GMDS: variants seen among roughly 807,000 people sequenced by gnomAD.
GMDS encodes the protein GDP-mannose 4,6-dehydratase.
A neutral mutation model predicts 49.9 loss-of-function variants in GMDS; 20 were observed. The observed-to-expected ratio is 0.40, with a 90% CI of 0.28 to 0.58. GMDS has a LOEUF of 0.58. Ranked by LOEUF, GMDS falls within the 20% of genes least tolerant of loss-of-function variation. The pLI is 0.42. For synonymous variants in GMDS, 177 were observed against 178.6 expected (o/e 0.99, Z 0.07); for missense variants, 362 against 481.4 (o/e 0.75, Z 2.32).
chr6:1,906,671 C>T (rs933040113), intron 7 of GMDS, among the ~76,000 whole-genome samples: 1 of 152,090 alleles, frequency 6.6e-6, no homozygotes, highest in Non-Finnish European at 1.5e-5. Flanking sequence ...GTGAAGCCTA[C>T]GGGTCCTGGG....
At chr6:2,076,429 C>G (rs1369088124) in intron 4 of GMDS, among the ~76,000 whole-genome samples, 2 of 152,084 alleles carry the variant, frequency 1.3e-5, no homozygotes, top group Non-Finnish European at 2.9e-5. Context: ...TCATATGGAA[C>G]CAAAAGAGAG....
chr6:1,920,764 G>A (rs1761676468), intron 7 of GMDS, among the ~76,000 whole-genome samples: 2 of 152,310 alleles, frequency 1.3e-5, no homozygotes, highest in South Asian at 4.1e-4. Context: ...AGAGACAGGT[G>A]GGGAGCAGGG....
intron 9 of GMDS, among the ~76,000 whole-genome samples, chr6:1,693,955 T>A (rs1765254915): frequency 6.6e-6 from 1 of 152,226 alleles, no homozygotes; most frequent in Non-Finnish European, 1.5e-5. Flanking sequence ...GAGAGTCAAA[T>A]AACTTGCCCA....
At chr6:2,032,614 C>T (rs1231362859) in intron 4 of GMDS, among the ~76,000 whole-genome samples, 1 of 151,994 alleles carries the variant, frequency 6.6e-6, no homozygotes, top group Non-Finnish European at 1.5e-5. Flanking sequence ...GGGTATATAT[C>T]AGAAAACAAA....
At chr6:2,208,867 A>C (rs1204588559) in intron 1 of GMDS, among the ~76,000 whole-genome samples, 1 of 151,816 alleles carries the variant, frequency 6.6e-6, no homozygotes, top group Non-Finnish European at 1.5e-5. Flanking sequence ...AAAAAAAAAA[A>C]AAACTATTAG....
In GMDS at chr6:1,874,176, G is replaced by A. The variant is rs1436897429; in HGVS notation, c.771+55927C>T. ...TTGACTTCACTTTTAGTTTTTCACT[G>A]TGGCTTGATGGAGTTTCAAGTTTGT... On this transcript the variant is annotated intron_variant, in intron 7 of 10. Coordinates refer to ENST00000380815, the MANE Select transcript of GMDS (RefSeq NM_001500.4). Among the ~76,000 whole-genome samples, 3 of 152,330 alleles carry A rather than the reference G, an allele frequency of 2.0e-5. No homozygotes were observed. The East Asian group carries it at 5.8e-4, about 29-fold the overall frequency.
intron 1 of GMDS, among the ~76,000 whole-genome samples, chr6:2,195,087 G>A (rs984782634): frequency 3.9e-5 from 6 of 152,144 alleles, no homozygotes; most frequent in Non-Finnish European, 4.4e-5. Context: ...GTTAGCAAGG[G>A]TAAAATCATA....
rs374815541 is a variant in GMDS at position 1,658,611 on chromosome 6, T to C, written c.988-34071A>G. On this transcript the variant is annotated intron_variant, in intron 9 of 10. Coordinates refer to ENST00000380815, the MANE Select transcript of GMDS (RefSeq NM_001500.4). ...GATATTGTTTTCTTAAAGAATACTT[T>C]CACAGAAAAATAAAAAAATACTTCT... Among the ~76,000 whole-genome samples, 90 of 152,388 alleles carry C rather than the reference T, an allele frequency of 5.9e-4. 3 individuals carry two copies. The South Asian group carries it at 0.018, about 31-fold the overall frequency.
intron 7 of GMDS, among the ~76,000 whole-genome samples, chr6:1,897,550 A>C (rs528184125): frequency 6.6e-6 from 1 of 152,276 alleles, no homozygotes; most frequent in East Asian, 1.9e-4. Context: ...GACAAATTGT[A>C]TATCTTGCCA....
intron 4 of GMDS, among the ~76,000 whole-genome samples, chr6:2,012,523 C>T (rs1419112214): frequency 6.6e-6 from 1 of 152,178 alleles, no homozygotes; most frequent in Non-Finnish European, 1.5e-5. Context: ...TACCACTAGT[C>T]CTCACAACAA....
chr6:1,696,443 T>C (rs1765344487), intron 9 of GMDS, among the ~76,000 whole-genome samples: 1 of 152,246 alleles, frequency 6.6e-6, no homozygotes, highest in Non-Finnish European at 1.5e-5. Flanking sequence ...GCTACTTTAG[T>C]TGCTTTGTTT....
intron 4 of GMDS, among the ~76,000 whole-genome samples, chr6:2,018,814 T>A (rs189581915): frequency 1.3e-5 from 2 of 152,332 alleles, no homozygotes; most frequent in Admixed American, 1.3e-4. Context: ...CAGGTTTTTC[T>A]ATGAATATGC....
chr6:1,707,052 G>A (rs953692054), intron 9 of GMDS, among the ~76,000 whole-genome samples: 2 of 152,274 alleles, frequency 1.3e-5, no homozygotes, highest in East Asian at 1.9e-4. Flanking sequence ...AATCAGGCAC[G>A]GAAACATTTA....
intron 7 of GMDS, among the ~76,000 whole-genome samples, chr6:1,857,970 A>C (rs1758011625): frequency 6.6e-6 from 1 of 152,186 alleles, no homozygotes; most frequent in Non-Finnish European, 1.5e-5. Context: ...TATGACCATC[A>C]ATGTCACACC....
intron 1 of GMDS, among the ~76,000 whole-genome samples, chr6:2,157,935 G>C (rs1203833027): frequency 6.6e-6 from 1 of 152,176 alleles, no homozygotes; most frequent in Non-Finnish European, 1.5e-5. Flanking sequence ...GTATCTAAGA[G>C]AGACATCTCT....
chr6:2,069,687 T>A (rs1323822233), intron 4 of GMDS, among the ~76,000 whole-genome samples: 13 of 152,146 alleles, frequency 8.5e-5, no homozygotes, highest in Admixed American at 7.9e-4. Flanking sequence ...TCACTGGCCA[T>A]CAGAGAAATG....
At chr6:2,118,204 G>A (rs929868093) in intron 2 of GMDS, among the ~76,000 whole-genome samples, 1 of 151,900 alleles carries the variant, frequency 6.6e-6, no homozygotes, top group Non-Finnish European at 1.5e-5. Context: ...GGGGTGGGGG[G>A]ACAGTTGATA....
intron 4 of GMDS, among the ~76,000 whole-genome samples, chr6:2,003,086 A>G (rs558179113): frequency 7.2e-5 from 11 of 152,322 alleles, no homozygotes; most frequent in African/African-American, 2.6e-4. Context: ...ATAATAAAGT[A>G]TATGTTACCT....
chr6:1,915,464 T>C (rs1045261532), intron 7 of GMDS, among the ~76,000 whole-genome samples: 3 of 152,206 alleles, frequency 2.0e-5, no homozygotes, highest in African/African-American at 7.2e-5. Flanking sequence ...GCCGGCACGG[T>C]GCAGGGCCAG....
Sources: allele counts gnomAD v4.1 joint callset (sites outside exome capture counted in the v4.1 genomes callset), GRCh38; gene constraint gnomAD v4.1.1; transcripts MANE v1.5; gene names NCBI Gene and HGNC (gene_info 2026-07-23, HGNC 2026-07-21).